The following CENPW variants were observed in gnomAD, a reference collection of about 807,000 sequenced individuals.
CENPW encodes the protein centromere protein W.
A neutral mutation model predicts 11.1 loss-of-function variants in CENPW; 3 were observed. That is an observed-to-expected ratio of 0.27 (90% CI 0.12 to 0.70). CENPW has a LOEUF of 0.70. CENPW is among the 30% of genes least tolerant of loss of function. The pLI, the probability that CENPW is intolerant of heterozygous loss-of-function variation, is 0.77. For missense variants in CENPW, 100 were observed against 105.6 expected (o/e 0.95, Z 0.23); for synonymous variants, 38 against 42.0 (o/e 0.91, Z 0.37).
chr6:126,460,578 G>A, the CENPW span, among the ~76,000 whole-genome samples: 2 of 151,874 alleles, frequency 1.3e-5, no homozygotes, highest in South Asian at 2.1e-4. Context: ...TTATTACAGT[G>A]TATTGGTTTG....
rs532997595 is a variant in CENPW at position 126,347,217 on chromosome 6, C to T, written c.240+899C>T. ...AGAATATGTAAGAAACTGGCAACCA[C>T]AGTTGACTGGGGATGATAGAGGAGG... On this transcript the variant is annotated intron_variant, in intron 2 of 2. Coordinates refer to ENST00000368328, the MANE Select transcript of CENPW (RefSeq NM_001012507.4). Among the ~76,000 whole-genome samples the T allele has an allele frequency of 3.3e-5, 5 of 152,246 alleles. No homozygotes were observed. The East Asian group carries it at 9.6e-4, about 29-fold the overall frequency.
At chr6:126,368,093 C>G in the CENPW span, among the ~76,000 whole-genome samples, 1 of 152,196 alleles carries the variant, frequency 6.6e-6, no homozygotes, top group Admixed American at 6.5e-5. Flanking sequence ...TGGGCTCTTT[C>G]TGTTTCTCAG....
the CENPW span, among the ~76,000 whole-genome samples, chr6:126,400,454 G>T: frequency 6.6e-6 from 1 of 151,906 alleles, no homozygotes; most frequent in African/African-American, 2.4e-5. Context: ...TGGGATATCA[G>T]TCCTTTATCA....
chr6:126,479,903 A>C, the CENPW span, among the ~76,000 whole-genome samples: 1 of 151,818 alleles, frequency 6.6e-6, no homozygotes, highest in East Asian at 1.9e-4. Context: ...AAGATTCTGG[A>C]AACATTTTCC....
intron 1 of CENPW, among the ~76,000 whole-genome samples, chr6:126,341,904 G>A (rs550392921): frequency 6.6e-6 from 1 of 152,270 alleles, no homozygotes; most frequent in Admixed American, 6.5e-5. Flanking sequence ...CCATAGTGCG[G>A]TGGGATCCAG....
the CENPW span, among the ~76,000 whole-genome samples, chr6:126,414,130 A>G: frequency 6.6e-5 from 10 of 152,130 alleles, no homozygotes; most frequent in East Asian, 1.7e-3. Flanking sequence ...TCAATTGTGA[A>G]TATGTATGCA....
At chr6:126,467,240 C>G in the CENPW span, among the ~76,000 whole-genome samples, 1 of 152,118 alleles carries the variant, frequency 6.6e-6, no homozygotes, top group Non-Finnish European at 1.5e-5. Context: ...AGACTTCCAA[C>G]TATACTACAG....
chr6:126,415,035 G>T, the CENPW span, among the ~76,000 whole-genome samples: 5 of 152,086 alleles, frequency 3.3e-5, no homozygotes, highest in African/African-American at 1.2e-4. Flanking sequence ...TAACAAGATT[G>T]AGCCAGGAAG....
At chr6:126,423,381 AC>A in the CENPW span, among the ~76,000 whole-genome samples, 1 of 152,184 alleles carries the variant, frequency 6.6e-6, no homozygotes, top group African/African-American at 2.4e-5. Context: ...ATATTGATGT[AC>A]AGTATGACAC....
the CENPW span, among the ~76,000 whole-genome samples, chr6:126,436,947 T>A: frequency 6.6e-6 from 1 of 151,888 alleles, no homozygotes; most frequent in Non-Finnish European, 1.5e-5. Flanking sequence ...GTTGGAGAGT[T>A]AGTTACATTG....
the CENPW span, among the ~76,000 whole-genome samples, chr6:126,438,759 A>G: frequency 2.0e-5 from 3 of 151,732 alleles, no homozygotes; most frequent in African/African-American, 7.2e-5. Flanking sequence ...GGAAAAGATT[A>G]TAATTTTATA....
chr6:126,443,329 A>G, the CENPW span, among the ~76,000 whole-genome samples: 11 of 151,316 alleles, frequency 7.3e-5, no homozygotes, highest in African/African-American at 2.2e-4. Flanking sequence ...AGAATTTCCC[A>G]CAGTCTGGAT....
chr6:126,394,101 T>C, the CENPW span, among the ~76,000 whole-genome samples: 1 of 151,968 alleles, frequency 6.6e-6, no homozygotes, highest in Non-Finnish European at 1.5e-5. Flanking sequence ...AGTCTTTTGA[T>C]TGAAGAGTTT....
At chr6:126,468,376 C>T in the CENPW span, among the ~76,000 whole-genome samples, 1,001 of 141,204 alleles carry the variant, frequency 7.1e-3, 8 homozygotes, top group African/African-American at 0.025. Context: ...GCCGAAATAG[C>T]GCCATTGCAC....
downstream of CENPW, among the ~76,000 whole-genome samples, chr6:126,350,714 A>G (rs527727629): frequency 6.6e-6 from 1 of 152,300 alleles, no homozygotes; most frequent in Non-Finnish European, 1.5e-5. Flanking sequence ...AGAAAGCCTC[A>G]TGGATTCATA....
the CENPW span, among the ~76,000 whole-genome samples, chr6:126,411,409 A>G: frequency 6.6e-6 from 1 of 152,282 alleles, no homozygotes; most frequent in Admixed American, 6.5e-5. Context: ...TCCTAATGAC[A>G]GGTCTGAATC....
At chr6:126,466,307 T>C in the CENPW span, among the ~76,000 whole-genome samples, 14 of 152,132 alleles carry the variant, frequency 9.2e-5, no homozygotes, top group Non-Finnish European at 1.5e-4. Flanking sequence ...CACTGGGGTC[T>C]ATAAAACTGA....
At chr6:126,388,520 A>G in the CENPW span, among the ~76,000 whole-genome samples, 1 of 151,942 alleles carries the variant, frequency 6.6e-6, no homozygotes, top group African/African-American at 2.4e-5. Context: ...AACACACAGG[A>G]CATTTGGTTG....
At chr6:126,411,486 G>T in the CENPW span, among the ~76,000 whole-genome samples, 10 of 152,050 alleles carry the variant, frequency 6.6e-5, no homozygotes, top group Admixed American at 6.6e-4. Context: ...GTGGGGTGGG[G>T]GTCCTAAACT....
Sources: allele counts gnomAD v4.1 joint callset (sites outside exome capture counted in the v4.1 genomes callset), GRCh38; gene constraint gnomAD v4.1.1; transcripts MANE v1.5; gene names NCBI Gene and HGNC (gene_info 2026-07-23, HGNC 2026-07-21).